CNBD1: variants seen among roughly 807,000 people sequenced by gnomAD.
The protein encoded by CNBD1 is cyclic nucleotide binding domain containing 1, also known as cyclic nucleotide-binding domain-containing protein 1.
In CNBD1, 71 loss-of-function variants were observed where a neutral mutation model predicts 54.4. The observed-to-expected ratio is 1.30, with a 90% CI of 1.08 to 1.59. The LOEUF is 1.59. Ranked by LOEUF, CNBD1 falls within the 40% of genes most tolerant of loss-of-function variation. The pLI, the probability that CNBD1 is intolerant of heterozygous loss-of-function variation, is 0.00. For synonymous variants in CNBD1, 182 were observed against 170.7 expected (o/e 1.07, Z -0.51); for missense variants, 659 against 518.0 (o/e 1.27, Z -2.64).
At chr8:87,310,501 A>G (rs926240552) in intron 8 of CNBD1, among the ~76,000 whole-genome samples, 1 of 152,184 alleles carries the variant, frequency 6.6e-6, no homozygotes, top group Non-Finnish European at 1.5e-5. Context: ...ACAAATGGAG[A>G]AACACTCCAC....
intron 2 of CNBD1, among the ~76,000 whole-genome samples, chr8:87,399,416 T>C (rs1807504578): frequency 6.6e-6 from 1 of 152,010 alleles, no homozygotes; most frequent in African/African-American, 2.4e-5. Flanking sequence ...TTGTGAACAT[T>C]ATGAAGGAAA....
At chr8:87,303,950 C>G (rs969732089) in intron 8 of CNBD1, among the ~76,000 whole-genome samples, 1 of 152,048 alleles carries the variant, frequency 6.6e-6, no homozygotes, top group Non-Finnish European at 1.5e-5. Context: ...TCATCTCACA[C>G]CAGTTAGAAT....
intron 4 of CNBD1, among the ~76,000 whole-genome samples, chr8:87,134,594 CTTTTTTTTTTTT>C (rs1167232265): frequency 8.0e-5 from 7 of 86,988 alleles, no homozygotes; most frequent in South Asian, 4.0e-4. Flanking sequence ...ATTAGATTAC[CTTTTTTTTTTTT>C]TTTTTTTTTT....
At chr8:87,038,718 A>G (rs1043559216) in intron 4 of CNBD1, among the ~76,000 whole-genome samples, 2 of 152,184 alleles carry the variant, frequency 1.3e-5, no homozygotes, top group Non-Finnish European at 2.9e-5. Flanking sequence ...GGCTATTATT[A>G]TTTAAATTAT....
chr8:87,123,691 G>C (rs1019567834), intron 4 of CNBD1, among the ~76,000 whole-genome samples: 2 of 151,592 alleles, frequency 1.3e-5, no homozygotes, highest in Admixed American at 1.3e-4. Flanking sequence ...ATGAAATAGA[G>C]ACTAGGAAAC....
chr8:87,219,443 C>T (rs1268614073), intron 5 of CNBD1, among the ~76,000 whole-genome samples: 1 of 151,880 alleles, frequency 6.6e-6, no homozygotes, highest in African/African-American at 2.4e-5. Flanking sequence ...TACTTAAATA[C>T]CCTTCAAGAC....
chr8:87,007,074 G>A (rs924633049), intron 4 of CNBD1, among the ~76,000 whole-genome samples: 1 of 152,004 alleles, frequency 6.6e-6, no homozygotes, highest in Non-Finnish European at 1.5e-5. Flanking sequence ...GTGGGCGCCT[G>A]TAATCCTAGC....
At chr8:87,013,664 T>G (rs1164974021) in intron 4 of CNBD1, among the ~76,000 whole-genome samples, 8 of 151,376 alleles carry the variant, frequency 5.3e-5, no homozygotes, top group Admixed American at 4.6e-4. Context: ...GCCAGAAAAT[T>G]TATATTCATC....
At chr8:87,395,344 G>A (rs115464489) in intron 2 of CNBD1, among the ~76,000 whole-genome samples, 130 of 151,838 alleles carry the variant, frequency 8.6e-4, no homozygotes, top group African/African-American at 3.1e-3. Context: ...CTGCTACTCT[G>A]GATTTTAGAA....
Position 86,939,655 on chromosome 8 carries a change from T to C in CNBD1, c.332T>C (p.Ile111Thr). 6.2e-7 allele frequency: 1 copy of C among 1,606,478 alleles called. No homozygotes were observed. The highest frequency in any genetic ancestry group is 8.5e-7 in the Non-Finnish European group (1 of 1,176,112). ...CAACAACCTGATGATTCTAACAATA[T>C]AGCTGTCCATGTTCAGAGAGCACAT... is the stretch of plus-strand genomic sequence containing the variant. Reference protein sequence around the residue: ...QHQQPDDSNNIAVHVQRAHGG... With the variant: ...QHQQPDDSNNTAVHVQRAHGG... Residue 111 changes from isoleucine (I) to threonine (T), a missense_variant, in exon 4 of 11, where the codon ATA becomes ACA. Physicochemically the swap from Ile to Thr is moderately conservative, Grantham distance 89. Coordinates refer to ENST00000518476, the MANE Select transcript of CNBD1 (RefSeq NM_173538.3).
intron 8 of CNBD1, among the ~76,000 whole-genome samples, chr8:87,336,208 A>G (rs1218057619): frequency 1.3e-5 from 2 of 151,856 alleles, no homozygotes; most frequent in Non-Finnish European, 2.9e-5. Flanking sequence ...GTCTTAGTGG[A>G]GTTCTCTTTA....
At chr8:87,330,791 T>G (rs4960938) in intron 8 of CNBD1, among the ~76,000 whole-genome samples, 57,884 of 151,958 alleles carry the variant, frequency 0.38, 11,305 homozygotes, top group Middle Eastern at 0.46. Flanking sequence ...GATGTCAATT[T>G]TACCAAATGA....
chr8:87,426,838 A>G (rs1808059274), intron 2 of CNBD1, among the ~76,000 whole-genome samples: 1 of 152,212 alleles, frequency 6.6e-6, no homozygotes, highest in Admixed American at 6.5e-5. Flanking sequence ...CCCAAAAGGT[A>G]CAGTTCCTTA....
intron 4 of CNBD1, among the ~76,000 whole-genome samples, chr8:87,132,439 A>G (rs1420504638): frequency 1.3e-5 from 2 of 151,066 alleles, no homozygotes; most frequent in Non-Finnish European, 3.0e-5. Flanking sequence ...CAGAGAAAAG[A>G]AAAAGATTTT....
At chr8:87,316,740 G>A (rs4400401) in intron 8 of CNBD1, among the ~76,000 whole-genome samples, 11,954 of 151,796 alleles carry the variant, frequency 0.079, 671 homozygotes, top group Non-Finnish European at 0.12. Context: ...ATAAGCAGAC[G>A]TATAAGGATT....
intron 4 of CNBD1, among the ~76,000 whole-genome samples, chr8:87,085,272 G>T (rs1811074208): frequency 6.6e-6 from 1 of 151,898 alleles, no homozygotes; most frequent in Non-Finnish European, 1.5e-5. Flanking sequence ...ATCATATGTG[G>T]GCCTGATTCT....
chr8:87,273,244 A>T (rs1026459951), intron 6 of CNBD1, among the ~76,000 whole-genome samples: 1 of 152,000 alleles, frequency 6.6e-6, no homozygotes, highest in Admixed American at 6.6e-5. Context: ...TAAAATATAT[A>T]TCTGGTTGAA....
At chr8:87,334,657 T>A (rs1809904798) in intron 8 of CNBD1, among the ~76,000 whole-genome samples, 1 of 152,042 alleles carries the variant, frequency 6.6e-6, no homozygotes, top group Non-Finnish European at 1.5e-5. Flanking sequence ...AGCAAGTTGT[T>A]CAATTTCTAT....
intron 4 of CNBD1, among the ~76,000 whole-genome samples, chr8:86,971,888 A>G (rs1176832622): frequency 6.6e-6 from 1 of 152,162 alleles, no homozygotes; most frequent in Non-Finnish European, 1.5e-5. Context: ...GCAATCTGGG[A>G]ATAATTATCA....
Sources: gnomAD v4.1 joint callset for allele counts (sites outside exome capture counted in the v4.1 genomes callset) on GRCh38, gnomAD v4.1.1 for gene constraint, MANE v1.5 for transcripts, NCBI Gene and HGNC (gene_info 2026-07-23, HGNC 2026-07-21) for gene names.